CNTRL: variants seen among roughly 807,000 people sequenced by gnomAD.
CNTRL encodes the protein centriolin, also known as 110 kDa centrosomal protein.
In CNTRL, 233 loss-of-function variants were observed where a neutral mutation model predicts 303.7. The ratio of observed to expected loss-of-function variants is 0.77; its 90% CI spans 0.69 to 0.86. The LOEUF is 0.86. CNTRL is among the 40% of genes least tolerant of loss of function. The pLI, the probability that CNTRL is intolerant of heterozygous loss-of-function variation, is 0.00. For synonymous variants in CNTRL, 900 were observed against 922.2 expected, an observed-to-expected ratio of 0.98 and a Z score of 0.44; for missense variants, 2,524 against 2,650.6, an observed-to-expected ratio of 0.95 and a Z score of 1.05.
At chr9:121,098,617 T>C (rs1309246788) in intron 7 of CNTRL, 45 bp downstream of exon 7, 89 of 1,172,756 alleles carry the variant, frequency 7.6e-5, no homozygotes, top group Non-Finnish European at 1.0e-4. Flanking sequence ...GAGGGAGGAA[T>C]TTATTTTCAG....
At chr9:121,079,565 G>A (rs1221526578) in intron 1 of CNTRL, among the ~76,000 whole-genome samples, 1 of 152,098 alleles carries the variant, frequency 6.6e-6, no homozygotes, top group African/African-American at 2.4e-5. Context: ...TATCAAAAGT[G>A]TCTTGGATTT....
At chr9:121,141,965 C>A in intron 18 of CNTRL, 126 bp from the exon 19 acceptor site, 1 of 721,604 alleles carries the variant, frequency 1.4e-6, no homozygotes, top group Non-Finnish European at 2.3e-6. Context: ...CCATTCCTGA[C>A]AACTCATTAG....
intron 11 of CNTRL, among the ~76,000 whole-genome samples, chr9:121,116,626 C>T (rs1286581016): frequency 1.3e-5 from 2 of 152,138 alleles, no homozygotes; most frequent in African/African-American, 4.8e-5. Flanking sequence ...TTTTATTTTG[C>T]ATGCAATGGG....
chr9:121,174,934 C>T (rs1053271805), intron 42 of CNTRL, 84 bp from the exon 43 acceptor site: 2 of 1,228,142 alleles, frequency 1.6e-6, no homozygotes, highest in Non-Finnish European at 2.4e-6. Context: ...CCAGATTTGC[C>T]TATCAAATGT....
In CNTRL at chr9:121,098,385, G is replaced by T; in HGVS notation, c.622-1G>T. On this transcript the variant is annotated splice_acceptor_variant, in intron 6 of 43. Transcript: ENST00000373855. LOFTEE classifies it high-confidence loss of function. ...CCAATACTAATGTTATATCATTTCA[G>T]CTCCAAGATATAAGCAAGTTGAAAC... 6.3e-7 allele frequency: 1 copy of T among 1,588,208 alleles called. No individual in the cohort carries two copies.
At chr9:121,165,269 A>G (rs72760249) in intron 35 of CNTRL, among the ~76,000 whole-genome samples, 169 bp downstream of exon 35, 13,928 of 152,258 alleles carry the variant, frequency 0.091, 651 homozygotes, top group Non-Finnish European at 0.11. Context: ...TTTGAATTGT[A>G]CACTTTAAAT....
In CNTRL at chr9:121,118,530, A is replaced by G; in HGVS notation, c.1640A>G (p.Asp547Gly). 6.3e-7 allele frequency: 1 copy of G among 1,591,884 alleles called. No individual in the cohort carries two copies. The highest frequency in any genetic ancestry group is 8.5e-7 in the Non-Finnish European group (1 of 1,169,704). The change falls in exon 12 of 44, where the codon GAC becomes GGC. Residue 547 changes from aspartate (D) to glycine (G), a missense_variant. By Grantham distance (94) the Asp-to-Gly change is moderately conservative (BLOSUM62 -1). Coordinates refer to ENST00000373855, the MANE Select transcript of CNTRL (RefSeq NM_007018.6). Reference protein sequence around the residue: ...QIAIDSLDSKDPKHSHMKAQK... With the variant: ...QIAIDSLDSKGPKHSHMKAQK... Reference sequence around the variant, plus strand: ...GCCATAGATAGCCTGGATTCCAAAGACCCAAAACATGTGAGTAAATTAAGA... The same window carrying G: ...GCCATAGATAGCCTGGATTCCAAAGGCCCAAAACATGTGAGTAAATTAAGA...
chr9:121,141,355 A>G, intron 17 of CNTRL, 26 bp from the exon 18 acceptor site: 1 of 1,545,862 alleles, frequency 6.5e-7, no homozygotes, highest in Non-Finnish European at 8.9e-7. Flanking sequence ...TGTCACATTT[A>G]TACCATTTTT....
chr9:121,094,390 GAACTGTGATA>G (rs1230965240), intron 4 of CNTRL, among the ~76,000 whole-genome samples: 4 of 152,054 alleles, frequency 2.6e-5, no homozygotes, highest in African/African-American at 9.7e-5. Flanking sequence ...AAAGGAGACT[GAACTGTGATA>G]ATTAATCCAC....
chr9:121,103,838 AC>A (rs2132821620), intron 7 of CNTRL, among the ~76,000 whole-genome samples: 1 of 152,316 alleles, frequency 6.6e-6, no homozygotes, highest in South Asian at 2.1e-4. Flanking sequence ...ACCATCTCAC[AC>A]CAGTTAGAAT....
At position 121,092,868 on chromosome 9, in the gene CNTRL, G is replaced by A. The variant is rs549091564; in HGVS notation, c.349-2020G>A. ...TCTTGCCAGGCTGGAGTGCAATGGC[G>A]TGATCTCGGCTCACTGCAACATCCT... On this transcript the variant is annotated intron_variant, in intron 4 of 43. Coordinates refer to ENST00000373855, the MANE Select transcript of CNTRL (RefSeq NM_007018.6). 2.3e-4 allele frequency among the ~76,000 whole-genome samples: 31 copies of A among 136,024 alleles called. 1 individual carries two copies. The highest frequency in any genetic ancestry group is 6.6e-4 in the South Asian group (3 of 4,530). 89.2% of individuals were successfully genotyped at this position (136,024 alleles called of 152,430 possible).
At chr9:121,099,674 G>A (rs927761383) in intron 7 of CNTRL, among the ~76,000 whole-genome samples, 42 of 152,110 alleles carry the variant, frequency 2.8e-4, no homozygotes, top group African/African-American at 9.9e-4. Flanking sequence ...AAGATGGCAC[G>A]AATGTCTAAC....
chr9:121,096,386 T>C, intron 5 of CNTRL, 36 bp from the exon 6 acceptor site: 1 of 1,378,890 alleles, frequency 7.3e-7, no homozygotes, highest in East Asian at 2.4e-5. Flanking sequence ...TCTATAATTG[T>C]ACTCACTAAA....
intron 5 of CNTRL, 137 bp from the exon 6 acceptor site, chr9:121,096,285 T>G (rs10985153): frequency 0.043 from 25,549 of 599,640 alleles, 2,055 homozygotes; most frequent in African/African-American, 0.22. Context: ...TTCTTTGTTC[T>G]CATTTATGAA....
At chr9:121,102,094 C>CA (rs1192995760) in intron 7 of CNTRL, among the ~76,000 whole-genome samples, 2 of 151,948 alleles carry the variant, frequency 1.3e-5, no homozygotes, top group African/African-American at 4.8e-5. Flanking sequence ...AGAGACACAA[C>CA]AAAAAAAGAG....
At chr9:121,116,010 A>G (rs1023165310) in intron 11 of CNTRL, among the ~76,000 whole-genome samples, 1 of 152,200 alleles carries the variant, frequency 6.6e-6, no homozygotes, top group African/African-American at 2.4e-5. Flanking sequence ...TCTCATGGAC[A>G]GACTTGTGGG....
chr9:121,156,545 T>C (rs2052580356), intron 27 of CNTRL, among the ~76,000 whole-genome samples: 1 of 152,208 alleles, frequency 6.6e-6, no homozygotes, highest in Non-Finnish European at 1.5e-5. Flanking sequence ...CTCTGGGAGC[T>C]TGCCAACCCT....
At chr9:121,143,120 G>T (rs765955963) in intron 19 of CNTRL, among the ~76,000 whole-genome samples, 1 of 152,068 alleles carries the variant, frequency 6.6e-6, no homozygotes, top group Non-Finnish European at 1.5e-5. Flanking sequence ...TCTGTGGTGA[G>T]CTTCCTCTCC....
chr9:121,086,084 A>G (rs2048329887), intron 2 of CNTRL, among the ~76,000 whole-genome samples: 1 of 152,196 alleles, frequency 6.6e-6, no homozygotes, highest in Non-Finnish European at 1.5e-5. Context: ...CGATGGATAG[A>G]GACGAATTTC....
Sources: gnomAD v4.1 joint callset for allele counts (sites outside exome capture counted in the v4.1 genomes callset) on GRCh38, gnomAD v4.1.1 for gene constraint, MANE v1.5 for transcripts, NCBI Gene and HGNC (gene_info 2026-07-23, HGNC 2026-07-21) for gene names.